FAM227B: variants seen among roughly 807,000 people sequenced by gnomAD.
FAM227B encodes the protein protein FAM227B.
FAM227B carries 88 observed loss-of-function variants against 73.8 expected under a neutral mutation model. The observed-to-expected ratio is 1.19, with a 90% CI of 1.00 to 1.42. The LOEUF (loss-of-function observed/expected upper bound fraction) is 1.42, where lower values mean the gene tolerates loss of function less well. Ranked by LOEUF, FAM227B falls within the 40% of genes most tolerant of loss-of-function variation. The pLI is 0.00. For missense variants in FAM227B, 632 were observed against 590.9 expected, an observed-to-expected ratio of 1.07 and a Z score of -0.72; for synonymous variants, 210 against 190.5, an observed-to-expected ratio of 1.10 and a Z score of -0.84.
intron 11 of FAM227B, among the ~76,000 whole-genome samples, chr15:49,481,241 T>C (rs1313295752): frequency 1.3e-5 from 2 of 152,214 alleles, no homozygotes; most frequent in Non-Finnish European, 2.9e-5. Flanking sequence ...ATAAAAGTAA[T>C]GGCAAAAGCC....
chr15:49,470,498 T>C (rs928474951), intron 11 of FAM227B, among the ~76,000 whole-genome samples: 1 of 152,176 alleles, frequency 6.6e-6, no homozygotes, highest in African/African-American at 2.4e-5. Flanking sequence ...TCAAACTTAA[T>C]ATCTTCATAA....
rs541354497 is a variant in FAM227B, at chr15:49,469,488, C to T, written c.1012+38723G>A. On this transcript the variant is annotated intron_variant, in intron 11 of 15. Transcript: ENST00000299338. ...CAACAAATCACTTGGCTTTTCATGGCACAATTTTTACTCCCTTTCTTAGAG... is the reference window on the plus strand; with the variant it reads ...CAACAAATCACTTGGCTTTTCATGGTACAATTTTTACTCCCTTTCTTAGAG... Among the ~76,000 whole-genome samples, 3 of 152,140 alleles carry T rather than the reference C, an allele frequency of 2.0e-5. No homozygotes were observed. The South Asian group carries it at 6.2e-4, about 32-fold the overall frequency.
At chr15:49,490,121 T>C (rs2056957843) in intron 11 of FAM227B, among the ~76,000 whole-genome samples, 1 of 151,470 alleles carries the variant, frequency 6.6e-6, no homozygotes, top group South Asian at 2.1e-4. Context: ...TGCCTGCTTC[T>C]TCATCTTTGT....
At chr15:49,601,628 A>G (rs1260334134) in intron 3 of FAM227B, among the ~76,000 whole-genome samples, 1 of 152,184 alleles carries the variant, frequency 6.6e-6, no homozygotes, top group Non-Finnish European at 1.5e-5. Flanking sequence ...CATTTATCCT[A>G]TGTGTCACAA....
At chr15:49,359,885 T>C (rs2043873261) in intron 13 of FAM227B, among the ~76,000 whole-genome samples, 1 of 146,594 alleles carries the variant, frequency 6.8e-6, no homozygotes, top group African/African-American at 2.5e-5. Context: ...GTGGCACATA[T>C]ACACCATGGA....
At chr15:49,330,644 G>T (rs1263706741) in intron 15 of FAM227B, 1 of 151,708 alleles carries the variant, frequency 6.6e-6, no homozygotes, top group Non-Finnish European at 1.5e-5. Flanking sequence ...ACCAGCTGAG[G>T]TCACTTGCCC....
At chr15:49,406,511 T>G (rs1048037118) in intron 11 of FAM227B, among the ~76,000 whole-genome samples, 1 of 150,672 alleles carries the variant, frequency 6.6e-6, no homozygotes. Flanking sequence ...TGGGGGAGGG[T>G]CTGCTGTTCT....
At chr15:49,539,885 GA>G (rs2070814561) in intron 10 of FAM227B, among the ~76,000 whole-genome samples, 1 of 152,200 alleles carries the variant, frequency 6.6e-6, no homozygotes, top group Non-Finnish European at 1.5e-5. Flanking sequence ...AGCTTGTCGT[GA>G]AAATGACTTT....
intron 11 of FAM227B, among the ~76,000 whole-genome samples, chr15:49,393,419 G>C (rs1310931153): frequency 1.3e-5 from 2 of 152,108 alleles, no homozygotes; most frequent in East Asian, 3.8e-4. Context: ...AATGTTTACT[G>C]TAAGTCAGAC....
At chr15:49,365,042 T>C (rs1048078052) in intron 13 of FAM227B, 12 of 532,728 alleles carry the variant, frequency 2.3e-5, no homozygotes, top group Non-Finnish European at 3.8e-5. Context: ...ACTTTCAGAT[T>C]GTCAATTCAA....
At chr15:49,594,969 T>C (rs952249390) in intron 3 of FAM227B, among the ~76,000 whole-genome samples, 1 of 152,164 alleles carries the variant, frequency 6.6e-6, no homozygotes, top group Admixed American at 6.6e-5. Context: ...AGAATGATTA[T>C]GTTATTTTGA....
intron 10 of FAM227B, among the ~76,000 whole-genome samples, chr15:49,513,023 G>C (rs1389878420): frequency 6.6e-6 from 1 of 152,028 alleles, no homozygotes; most frequent in East Asian, 1.9e-4. Flanking sequence ...ATTTGGGTTG[G>C]TTTCATGTCT....
intron 3 of FAM227B, among the ~76,000 whole-genome samples, chr15:49,590,882 T>G (rs1289348979): frequency 6.6e-6 from 1 of 152,118 alleles, no homozygotes; most frequent in Non-Finnish European, 1.5e-5. Flanking sequence ...GTTCCATTTT[T>G]ATACATTCCA....
intron 11 of FAM227B, among the ~76,000 whole-genome samples, chr15:49,505,770 C>G (rs945810757): frequency 6.6e-6 from 1 of 151,678 alleles, no homozygotes; most frequent in Admixed American, 6.6e-5. Flanking sequence ...CAAATAGAAA[C>G]TAGTAGAAAT....
chr15:49,541,204 A>T (rs942047733), intron 10 of FAM227B, among the ~76,000 whole-genome samples: 1 of 152,060 alleles, frequency 6.6e-6, no homozygotes, highest in African/African-American at 2.4e-5. Context: ...TCTAGGATAG[A>T]GTTTTGCTTT....
At chr15:49,527,803 T>A (rs2060312422) in intron 10 of FAM227B, among the ~76,000 whole-genome samples, 1 of 151,578 alleles carries the variant, frequency 6.6e-6, no homozygotes, top group Non-Finnish European at 1.5e-5. Flanking sequence ...ACTAAGAAAG[T>A]GAAAGATCTC....
At chr15:49,544,454 C>A (rs1210493605) in intron 9 of FAM227B, among the ~76,000 whole-genome samples, 1 of 152,108 alleles carries the variant, frequency 6.6e-6, no homozygotes, top group Admixed American at 6.6e-5. Flanking sequence ...CATCAGAAAA[C>A]AGTGACAGTA....
intron 13 of FAM227B, among the ~76,000 whole-genome samples, chr15:49,342,053 G>A (rs776491718): frequency 7.2e-5 from 11 of 152,130 alleles, no homozygotes; most frequent in Non-Finnish European, 1.6e-4. Context: ...TGTCCTATTG[G>A]TTAAGTGTCT....
intron 3 of FAM227B, among the ~76,000 whole-genome samples, chr15:49,602,644 G>T (rs1032411423): frequency 1.7e-4 from 26 of 152,066 alleles, no homozygotes; most frequent in South Asian, 1.0e-3. Flanking sequence ...AAGCTTTTTA[G>T]CTTGATGTGA....
Sources: gnomAD v4.1 joint callset for allele counts (sites outside exome capture counted in the v4.1 genomes callset) on GRCh38, gnomAD v4.1.1 for gene constraint, MANE v1.5 for transcripts, NCBI Gene and HGNC (gene_info 2026-07-23, HGNC 2026-07-21) for gene names.